The following COL19A1 variants were observed in gnomAD, a reference collection of about 807,000 sequenced individuals.
COL19A1 encodes collagen type XIX alpha 1 chain.
Under a neutral mutation model 190.2 loss-of-function variants are expected in COL19A1, and 159 were observed. That is an observed-to-expected ratio of 0.84 (90% confidence interval 0.73 to 0.95). COL19A1 has a LOEUF of 0.95. COL19A1 is among the 40% of genes least tolerant of loss of function. COL19A1 has a pLI of 0.00. For synonymous variants in COL19A1, 509 were observed against 458.9 expected (o/e 1.11, Z -1.39); for missense variants, 1,418 against 1,431.9 (o/e 0.99, Z 0.16).
At position 69,932,306 on chromosome 6, in the gene COL19A1, A is replaced by T. The variant is rs561357714; in HGVS notation, c.667-477A>T. ...AGAATTCGTGAAATATAGATAAAAA[A>T]TTTTTTTTCCTTGTTGGTAAGTGAA... On this transcript the variant is annotated intron_variant, in intron 6 of 50. Transcript: ENST00000620364. Among the ~76,000 whole-genome samples the T allele has an allele frequency of 2.6e-3, 393 of 151,938 alleles. 2 individuals are homozygous for T. The highest frequency in any genetic ancestry group is 8.6e-3 in the African/African-American group (355 of 41,506).
At chr6:69,875,170 A>G (rs1768063853) in intron 1 of COL19A1, among the ~76,000 whole-genome samples, 1 of 152,250 alleles carries the variant, frequency 6.6e-6, no homozygotes, top group Admixed American at 6.5e-5. Flanking sequence ...AAACTGAAGG[A>G]TGAACACAGA....
chr6:69,972,003 G>A (rs953579674), intron 11 of COL19A1, among the ~76,000 whole-genome samples: 2 of 152,288 alleles, frequency 1.3e-5, no homozygotes, highest in South Asian at 4.1e-4. Context: ...AAAGTTGGAC[G>A]TAGATGTGCT....
intron 11 of COL19A1, among the ~76,000 whole-genome samples, chr6:69,971,731 A>G (rs1408056721): frequency 6.6e-6 from 1 of 152,198 alleles, no homozygotes; most frequent in East Asian, 1.9e-4. Flanking sequence ...ATTATTTAAC[A>G]ATATTCTGGA....
chr6:69,868,210 A>T (rs1767599117), intron 1 of COL19A1, among the ~76,000 whole-genome samples: 1 of 145,596 alleles, frequency 6.9e-6, no homozygotes, highest in Non-Finnish European at 1.5e-5. Context: ...GAAAAAAAAA[A>T]AAGAAAGAAA....
intron 2 of COL19A1, among the ~76,000 whole-genome samples, chr6:69,894,357 A>C (rs1194218988): frequency 1.3e-5 from 2 of 152,220 alleles, no homozygotes; most frequent in Non-Finnish European, 2.9e-5. Flanking sequence ...TTGTGAAGCC[A>C]GCAAGTCAAA....
chr6:70,085,957 A>G (rs571902368), intron 15 of COL19A1, among the ~76,000 whole-genome samples: 25 of 152,206 alleles, frequency 1.6e-4, no homozygotes, highest in Non-Finnish European at 3.4e-4. Flanking sequence ...CACTCACCAT[A>G]TATTAATAAC....
At chr6:69,955,612 A>T (rs1054469299) in intron 9 of COL19A1, among the ~76,000 whole-genome samples, 1 of 150,108 alleles carries the variant, frequency 6.7e-6, no homozygotes. Flanking sequence ...TCTGTATTCT[A>T]TGTGAGTAAG....
intron 34 of COL19A1, among the ~76,000 whole-genome samples, 191 bp from the exon 35 acceptor site, chr6:70,161,709 C>T (rs1433173531): frequency 6.6e-6 from 1 of 151,766 alleles, no homozygotes; most frequent in Non-Finnish European, 1.5e-5. Flanking sequence ...TCACTTGCAC[C>T]CCTAAAGAAA....
Position 69,936,796 on chromosome 6 carries a change from G to A in COL19A1, c.759G>A (p.Gln253=), listed in dbSNP as rs1773139950. 6.2e-7 allele frequency: 1 copy of A among 1,612,924 alleles called. No homozygotes were observed. Among genetic ancestry groups the A allele is most frequent in the Non-Finnish European group, 8.5e-7 (1 of 1,179,162 alleles). The change falls in exon 8 of 51, where the codon CAG becomes CAA. Residue 253 remains glutamine (Q), a synonymous_variant. Coordinates refer to ENST00000620364, the MANE Select transcript of COL19A1 (RefSeq NM_001858.6). ...TTTTTGGATTTTAGTGCCCAGAGCA[G>A]GATGGCTTTGGAAATATTGCATCAT... ...CEISDTKCPE[Q]DGFGNIASSW...
intron 11 of COL19A1, among the ~76,000 whole-genome samples, chr6:70,016,791 GA>G (rs1476798351): frequency 3.4e-4 from 51 of 152,042 alleles, no homozygotes; most frequent in African/African-American, 1.2e-3. Context: ...TAATCATTAA[GA>G]AAATGCAAAT....
chr6:70,175,157 G>A (rs1278655586), intron 41 of COL19A1, among the ~76,000 whole-genome samples: 1 of 152,060 alleles, frequency 6.6e-6, no homozygotes, highest in Non-Finnish European at 1.5e-5. Flanking sequence ...TTTTCTATCA[G>A]TTATTTTTTT....
intron 48 of COL19A1, among the ~76,000 whole-genome samples, chr6:70,194,546 G>A (rs982474052): frequency 8.5e-5 from 13 of 152,140 alleles, no homozygotes; most frequent in Non-Finnish European, 1.5e-4. Flanking sequence ...TGTCCAACAA[G>A]TCAAGTCCTT....
At chr6:70,186,814 G>C (rs1369273217) in intron 46 of COL19A1, among the ~76,000 whole-genome samples, 1 of 151,960 alleles carries the variant, frequency 6.6e-6, no homozygotes, top group Non-Finnish European at 1.5e-5. Flanking sequence ...ATCACATTTA[G>C]GCACATCTAA....
chr6:70,053,636 A>T (rs1262946190), intron 14 of COL19A1, among the ~76,000 whole-genome samples: 1 of 152,252 alleles, frequency 6.6e-6, no homozygotes, highest in African/African-American at 2.4e-5. Flanking sequence ...ATTTGTATAT[A>T]GACTTATTTT....
chr6:70,088,660 G>A (rs954029056), intron 15 of COL19A1, among the ~76,000 whole-genome samples: 2 of 151,774 alleles, frequency 1.3e-5, no homozygotes, highest in African/African-American at 2.4e-5. Flanking sequence ...TATTTAAATA[G>A]CCTTATTTTT....
chr6:69,932,694 T>A (rs1379287633), intron 6 of COL19A1, 89 bp from the exon 7 acceptor site: 11 of 682,308 alleles, frequency 1.6e-5, no homozygotes, highest in Non-Finnish European at 2.8e-5. Flanking sequence ...AGCTTCCTTT[T>A]TCTTTCTGAT....
intron 41 of COL19A1, among the ~76,000 whole-genome samples, chr6:70,173,454 G>A (rs1321419786): frequency 6.6e-6 from 1 of 152,206 alleles, no homozygotes; most frequent in African/African-American, 2.4e-5. Context: ...AACCAGCGAG[G>A]TAGGAGGAAA....
chr6:70,130,852 G>A (rs1270924539), intron 18 of COL19A1, among the ~76,000 whole-genome samples: 2 of 152,168 alleles, frequency 1.3e-5, no homozygotes, highest in Non-Finnish European at 2.9e-5. Context: ...AAAACAATCT[G>A]AAGACCCCTT....
At chr6:70,191,478 CATTCTAG>C (rs1766870316) in intron 48 of COL19A1, among the ~76,000 whole-genome samples, 1 of 152,182 alleles carries the variant, frequency 6.6e-6, no homozygotes, top group Non-Finnish European at 1.5e-5. Flanking sequence ...AGCATGTCAT[CATTCTAG>C]CTGTTGATAG....
Sources: allele counts gnomAD v4.1 joint callset (sites outside exome capture counted in the v4.1 genomes callset), GRCh38; gene constraint gnomAD v4.1.1; transcripts MANE v1.5; gene names NCBI Gene and HGNC (gene_info 2026-07-23, HGNC 2026-07-21).